Variants in SSUH2 observed in about 807,000 individuals in gnomAD.
The protein encoded by SSUH2 is ssu-2 homolog, also known as protein SSUH2 homolog.
SSUH2 carries 47 observed loss-of-function variants against 55.3 expected under a neutral mutation model. That is an observed-to-expected ratio of 0.85 (90% CI 0.67 to 1.08). The LOEUF (loss-of-function observed/expected upper bound fraction) is 1.08, where lower values mean the gene tolerates loss of function less well. Among genes scored for constraint, SSUH2 ranks in the 50% least tolerant of loss-of-function variants. The pLI, the probability that SSUH2 is intolerant of heterozygous loss-of-function variation, is 0.00. For synonymous variants in SSUH2, 212 were observed against 191.5 expected (o/e 1.11, Z -0.89); for missense variants, 535 against 490.7 (o/e 1.09, Z -0.85).
upstream of SSUH2, among the ~76,000 whole-genome samples, chr3:8,648,036 T>C (rs1701930729): frequency 6.6e-6 from 1 of 152,194 alleles, no homozygotes; most frequent in Admixed American, 6.5e-5. Context: ...GCCCAAGTCG[T>C]GGACCTCTAA....
At chr3:8,624,231 C>A (rs896372704) in intron 10 of SSUH2, among the ~76,000 whole-genome samples, 1 of 152,194 alleles carries the variant, frequency 6.6e-6, no homozygotes, top group Admixed American at 6.5e-5. Context: ...CTGTTCTGCC[C>A]CTCATTGTGG....
chr3:8,638,301 C>T (rs887889445), intron 1 of SSUH2, among the ~76,000 whole-genome samples: 1 of 152,242 alleles, frequency 6.6e-6, no homozygotes, highest in Admixed American at 6.5e-5. Flanking sequence ...TGAACACCCC[C>T]TCTCTACCAC....
In SSUH2 at chr3:8,678,971, GGCGGAGAGTCACCCCCCGCGAGGT is replaced by G. The variant is rs1559568254; in HGVS notation, c.-901+710_-901+733del. On this transcript the variant is annotated intron_variant, in intron 2 of 18. Transcript: ENST00000317371. ...CTGGCTCTTGGGACGCCCATCGCAG[GGCGGAGAGTCACCCCCCGCGAGGT>G]GGGGACTGAGAGCCAGCCCCTCTTC... 3.5e-4 allele frequency among the ~76,000 whole-genome samples: 38 copies of G among 107,146 alleles called. 5 individuals are homozygous for G. The highest frequency in any genetic ancestry group is 6.2e-4 in the Non-Finnish European group (28 of 45,406). The allele number at this position is 107,146 out of a possible 152,430, so 70.3% of individuals were successfully genotyped here.
chr3:8,624,183 A>C (rs1697047928), intron 10 of SSUH2, among the ~76,000 whole-genome samples: 1 of 152,048 alleles, frequency 6.6e-6, no homozygotes, highest in Admixed American at 6.5e-5. Context: ...AAAGCCTTCC[A>C]CATATTAAGG....
Position 8,627,799 on chromosome 3 carries a change from T to C in SSUH2, c.589-16A>G, listed in dbSNP as rs1228308789. ...GGCACCGCACCTGCAGACACACCAC[T>C]GCCTCAGCCCCCGCTGGCCTCCCAG... On this transcript the variant is annotated splice_polypyrimidine_tract_variant and intron_variant, in intron 7 of 11. Coordinates refer to ENST00000544814, the MANE Select transcript of SSUH2 (RefSeq NM_001256748.3). The C allele has an allele frequency of 6.2e-7, 1 of 1,601,398 alleles. No individual in the cohort carries two copies. Among genetic ancestry groups the C allele is most frequent in the African/African-American group, 1.3e-5 (1 of 74,410 alleles).
chr3:8,666,728 G>A (rs940435579), intron 5 of SSUH2, among the ~76,000 whole-genome samples: 5 of 152,170 alleles, frequency 3.3e-5, no homozygotes, highest in African/African-American at 9.7e-5. Flanking sequence ...CGGGCATAAC[G>A]TCAGATCCCA....
At chr3:8,649,339 G>T (rs1702120565), upstream of SSUH2, among the ~76,000 whole-genome samples, 1 of 152,158 alleles carries the variant, frequency 6.6e-6, no homozygotes. Flanking sequence ...CCAGGAGCGG[G>T]CAAGGTGGGA....
At chr3:8,626,368 G>A (rs1244339893) in intron 8 of SSUH2, 47 bp from the exon 9 acceptor site, 7 of 1,521,312 alleles carry the variant, frequency 4.6e-6, no homozygotes, top group Non-Finnish European at 6.4e-6. Context: ...TGCAGGTCCT[G>A]GTGGCTTCCA....
chr3:8,662,363 G>A (rs544197786), intron 6 of SSUH2, among the ~76,000 whole-genome samples: 8 of 152,266 alleles, frequency 5.3e-5, no homozygotes, highest in African/African-American at 1.7e-4. Flanking sequence ...CGTCAGTACT[G>A]AGTGTCCAGT....
At chr3:8,645,856 C>G (rs1015768011), upstream of SSUH2, among the ~76,000 whole-genome samples, 1 of 152,222 alleles carries the variant, frequency 6.6e-6, no homozygotes, top group Non-Finnish European at 1.5e-5. Flanking sequence ...CCTTCACCCT[C>G]GTCACTGACT....
In SSUH2 at chr3:8,638,612, A is replaced by G. The variant is rs376592661; in HGVS notation, c.29-2755T>C. Among the ~76,000 whole-genome samples, 46 of 152,098 alleles carry G rather than the reference A, an allele frequency of 3.0e-4. 3 individuals are homozygous for G. The South Asian group carries it at 5.8e-3, about 19-fold the overall frequency. Reference sequence around the variant, plus strand: ...AAGCCACACATCCCTGTAGAACTCAACTCCCTCCTATGCAAAACAGAGCAG... The same window carrying G: ...AAGCCACACATCCCTGTAGAACTCAGCTCCCTCCTATGCAAAACAGAGCAG... On this transcript the variant is annotated intron_variant, in intron 1 of 11. Coordinates refer to ENST00000544814, the MANE Select transcript of SSUH2 (RefSeq NM_001256748.3).
At chr3:8,623,461 A>ATCCT in intron 11 of SSUH2, 88 bp downstream of exon 11, 4 of 857,648 alleles carry the variant, frequency 4.7e-6, no homozygotes, top group Non-Finnish European at 5.7e-6. Flanking sequence ...CTACGTCCTC[A>ATCCT]TCCTTCCGCT....
At chr3:8,647,702 C>A (rs1701883700), upstream of SSUH2, among the ~76,000 whole-genome samples, 1 of 152,248 alleles carries the variant, frequency 6.6e-6, no homozygotes, top group Non-Finnish European at 1.5e-5. Flanking sequence ...ATGCTCCCTG[C>A]ACATCCACCA....
chr3:8,619,639 G>C lies in SSUH2; in HGVS notation c.*229C>G, dbSNP rs768806734. ...ATTATTTCTCTCATTTGTTCTACAG[G>C]AATGTGTATAGCTGAATTATTGTAG... On this transcript the variant is annotated 3_prime_UTR_variant, in exon 12 of 12. Coordinates refer to ENST00000544814, the MANE Select transcript of SSUH2 (RefSeq NM_001256748.3). 1.8e-4 allele frequency: 78 copies of C among 426,574 alleles called. No individual in the cohort carries two copies. Among genetic ancestry groups the C allele is most frequent in the Non-Finnish European group, 2.6e-4 (64 of 244,930 alleles). The allele number at this position is 426,574 out of a possible 1,614,324, so 26.4% of individuals were successfully genotyped here. A position where few individuals can be genotyped will look rare whatever the true frequency, so the allele number is the denominator to read the frequency against.
intron 8 of SSUH2, among the ~76,000 whole-genome samples, chr3:8,626,576 T>G (rs867041397): frequency 1.3e-4 from 17 of 127,590 alleles, no homozygotes; most frequent in Admixed American, 4.8e-4. Flanking sequence ...TGTGAACAGC[T>G]TGGGATCTGG....
chr3:8,661,825 G>A (rs996377668), intron 6 of SSUH2, among the ~76,000 whole-genome samples: 2 of 152,182 alleles, frequency 1.3e-5, no homozygotes, highest in South Asian at 2.1e-4. Flanking sequence ...TTGAATTGTA[G>A]CTCCCATAAT....
chr3:8,680,357 A>C (rs1035262196), intron 1 of SSUH2, among the ~76,000 whole-genome samples: 17 of 151,524 alleles, frequency 1.1e-4, no homozygotes, highest in African/African-American at 3.2e-4. Flanking sequence ...GGACTCACAG[A>C]CTGTTTACCA....
intron 5 of SSUH2, among the ~76,000 whole-genome samples, chr3:8,668,042 T>TA (rs975693758): frequency 6.6e-6 from 1 of 151,990 alleles, no homozygotes; most frequent in African/African-American, 2.4e-5. Flanking sequence ...TTTCAATTTT[T>TA]AAAAAAAATT....
intron 1 of SSUH2, among the ~76,000 whole-genome samples, chr3:8,643,867 T>A (rs1351388866): frequency 6.6e-6 from 1 of 152,118 alleles, no homozygotes; most frequent in South Asian, 2.1e-4. Flanking sequence ...GTTTTATAGA[T>A]GAGAATATTG....
Sources: allele counts gnomAD v4.1 joint callset (sites outside exome capture counted in the v4.1 genomes callset), GRCh38; gene constraint gnomAD v4.1.1; transcripts MANE v1.5; gene names NCBI Gene and HGNC (gene_info 2026-07-23, HGNC 2026-07-21).